The following LINC00305 variants were observed in gnomAD, a reference collection of about 807,000 sequenced individuals.
LINC00305 encodes long independently transcribed non-coding RNA 305, also known as long intergenic non-protein coding RNA 305.
At chr18:64,112,711 T>C (rs529349519) in intron 1 of LINC00305, among the ~76,000 whole-genome samples, 1 of 152,204 alleles carries the variant, frequency 6.6e-6, no homozygotes, top group Non-Finnish European at 1.5e-5. Flanking sequence ...TTCAACCTGC[T>C]CTAACCTGGG....
In LINC00305 at chr18:64,106,153, T is replaced by A. The variant is rs527431335; in HGVS notation, n.315-7513A>T. Among the ~76,000 whole-genome samples, 151 of 152,324 alleles carry A rather than the reference T, an allele frequency of 9.9e-4. 1 individual carries two copies. Among genetic ancestry groups the A allele is most frequent in the African/African-American group, 3.5e-3 (146 of 41,582 alleles). ...AAGGTTTATTTAATGCTACAGAACC[T>A]CAGCATTTTCAGGTTACCCTTCAAT... On this transcript the variant is annotated intron_variant and non_coding_transcript_variant, in intron 1 of 3. Transcript: ENST00000666468.
chr18:64,127,533 G>A (rs548362336), intron 1 of LINC00305: 5 of 152,210 alleles, frequency 3.3e-5, no homozygotes, highest in Admixed American at 2.6e-4. Flanking sequence ...CCTCCTTGTA[G>A]CTTAATGAAT....
chr18:64,114,769 G>A (rs1284274247), intron 1 of LINC00305, among the ~76,000 whole-genome samples: 2 of 152,186 alleles, frequency 1.3e-5, no homozygotes, highest in East Asian at 1.9e-4. Flanking sequence ...GGCTGGTCTC[G>A]AACTCCTGAC....
intron 3 of LINC00305, among the ~76,000 whole-genome samples, chr18:64,093,789 C>T (rs981347461): frequency 3.3e-5 from 5 of 152,250 alleles, no homozygotes; most frequent in East Asian, 1.9e-4. Context: ...CATATGTTGA[C>T]CTTGAGCAGC....
chr18:64,083,079 T>C (rs145840319), intron 3 of LINC00305, among the ~76,000 whole-genome samples: 2 of 152,200 alleles, frequency 1.3e-5, no homozygotes, highest in South Asian at 4.1e-4. Context: ...ATATTTAGTC[T>C]CTTTAGCCAT....
At chr18:64,099,683 T>C (rs963988504) in intron 1 of LINC00305, among the ~76,000 whole-genome samples, 1 of 152,170 alleles carries the variant, frequency 6.6e-6, no homozygotes, top group African/African-American at 2.4e-5. Context: ...AAACAGTTGG[T>C]TTTGACCATC....
intron 2 of LINC00305, chr18:64,098,545 C>A (rs758620478): frequency 2.3e-6 from 1 of 436,386 alleles, no homozygotes; most frequent in Non-Finnish European, 4.5e-6. Context: ...AGGTTTGTAA[C>A]TTTAAAGAAA....
chr18:64,127,716 C>T (rs1408594453), intron 1 of LINC00305, among the ~76,000 whole-genome samples: 1 of 152,096 alleles, frequency 6.6e-6, no homozygotes, highest in Admixed American at 6.6e-5. Context: ...GCCCAATGGA[C>T]CCAATCTCTG....
At chr18:64,083,462 T>A (rs2051192226) in intron 3 of LINC00305, among the ~76,000 whole-genome samples, 1 of 152,230 alleles carries the variant, frequency 6.6e-6, no homozygotes, top group Non-Finnish European at 1.5e-5. Context: ...GCATTTAAAC[T>A]CTATAGTCTT....
intron 3 of LINC00305, among the ~76,000 whole-genome samples, chr18:64,088,908 G>C (rs765591873): frequency 3.9e-5 from 6 of 152,146 alleles, no homozygotes; most frequent in Non-Finnish European, 8.8e-5. Context: ...GTGACCAAAA[G>C]TCAGCATCAA....
Position 64,118,233 on chromosome 18 carries a change from T to C in LINC00305, n.315-19593A>G, listed in dbSNP as rs8094837. The stretch of plus-strand genomic sequence containing the variant: ...TAAAGATGAAGAACATGCACAATTA[T>C]GTGATATTATGAAACTGAGTTCAGT... On this transcript the variant is annotated intron_variant and non_coding_transcript_variant, in intron 1 of 3. Coordinates refer to ENST00000666468, the Ensembl canonical transcript of LINC00305. Among the ~76,000 whole-genome samples, 1,382 of 152,318 alleles carry C rather than the reference T, an allele frequency of 9.1e-3. 17 individuals are homozygous for C. The highest frequency in any genetic ancestry group is 0.029 in the African/African-American group (1,220 of 41,564).
chr18:64,137,598 T>G (rs957700102), intron 1 of LINC00305, among the ~76,000 whole-genome samples: 2 of 152,192 alleles, frequency 1.3e-5, no homozygotes, highest in African/African-American at 4.8e-5. Flanking sequence ...TTTAAACAAC[T>G]CAAATCCATA....
At chr18:64,114,908 A>C (rs2068642148) in intron 1 of LINC00305, among the ~76,000 whole-genome samples, 1 of 152,238 alleles carries the variant, frequency 6.6e-6, no homozygotes, top group African/African-American at 2.4e-5. Context: ...TGTGATGATC[A>C]TAAACGAAAA....
chr18:64,092,656 A>G (rs1347047070), intron 3 of LINC00305, among the ~76,000 whole-genome samples: 4 of 152,238 alleles, frequency 2.6e-5, no homozygotes, highest in Non-Finnish European at 5.9e-5. Flanking sequence ...GACGCCTCCA[A>G]CAAAGGTGAG....
chr18:64,143,549 ATAT>A (rs1336201640), intron 1 of LINC00305, among the ~76,000 whole-genome samples: 1 of 102,296 alleles, frequency 9.8e-6, no homozygotes, highest in Non-Finnish European at 2.0e-5. Context: ...ATATGTACAC[ATAT>A]TATGTGTACA....
At chr18:64,090,168 T>C (rs572851636) in intron 3 of LINC00305, among the ~76,000 whole-genome samples, 1 of 152,284 alleles carries the variant, frequency 6.6e-6, no homozygotes, top group South Asian at 2.1e-4. Flanking sequence ...ATAGCCAATA[T>C]CACTAAGTGT....
chr18:64,096,231 T>A (rs2051244552), intron 3 of LINC00305, among the ~76,000 whole-genome samples: 1 of 152,008 alleles, frequency 6.6e-6, no homozygotes, highest in Admixed American at 6.5e-5. Flanking sequence ...TCTTTACTCT[T>A]AGATACAAAG....
At chr18:64,088,034 A>T (rs755403730) in intron 3 of LINC00305, among the ~76,000 whole-genome samples, 13 of 151,950 alleles carry the variant, frequency 8.6e-5, no homozygotes, top group Admixed American at 2.6e-4. Flanking sequence ...GAGGTGAGAG[A>T]ATGGTGTAAA....
In LINC00305 at chr18:64,097,195, C is replaced by T. The variant is rs571197182; in HGVS notation, n.540+639G>A. ...TAAGAAAGTTGTAATATGTGTTTAT[C>T]GTAGAATATTATGCAGCCATGAAAG... On this transcript the variant is annotated intron_variant and non_coding_transcript_variant, in intron 3 of 3. Coordinates refer to ENST00000666468, the Ensembl canonical transcript of LINC00305. Among the ~76,000 whole-genome samples, 25 of 151,950 alleles carry T rather than the reference C, an allele frequency of 1.6e-4. No individual in the cohort carries two copies. In the South Asian group the frequency reaches 3.3e-3, roughly 20 times the overall value.
Sources: allele counts gnomAD v4.1 joint callset (sites outside exome capture counted in the v4.1 genomes callset), GRCh38; gene constraint gnomAD v4.1.1; transcripts MANE v1.5; gene names NCBI Gene and HGNC (gene_info 2026-07-23, HGNC 2026-07-21).